The following CSMD1 variants were observed in gnomAD, a reference collection of about 807,000 sequenced individuals.
The protein encoded by CSMD1 is CUB and sushi domain-containing protein 1.
CSMD1 carries 213 observed loss-of-function variants against 417.5 expected under a neutral mutation model. The ratio of observed to expected loss-of-function variants is 0.51; its 90% CI spans 0.46 to 0.57. The LOEUF is 0.57. Among genes scored for constraint, CSMD1 ranks in the 20% least tolerant of loss-of-function variants. The pLI is 0.00. For synonymous variants in CSMD1, 2,862 were observed against 1,736.8 expected (o/e 1.65, Z -16.11); for missense variants, 6,923 against 4,529.7 (o/e 1.53, Z -15.17).
chr8:3,387,057 C>A (rs965657489), intron 18 of CSMD1, among the ~76,000 whole-genome samples: 1 of 152,134 alleles, frequency 6.6e-6, no homozygotes, highest in Admixed American at 6.5e-5. Context: ...AATGAGAACT[C>A]CCAGGAGAAG....
chr8:4,751,145 G>A lies in CSMD1; in HGVS notation c.86-113587C>T, dbSNP rs564403326. On this transcript the variant is annotated intron_variant, in intron 1 of 69. Coordinates refer to ENST00000635120, the MANE Select transcript of CSMD1 (RefSeq NM_033225.6). ...CAGGCCTGTAATCCCAGCACTTTGG[G>A]AGGCCGAGGTGGGTGGATCACCTGA... is the stretch of plus-strand genomic sequence containing the variant. Among the ~76,000 whole-genome samples the A allele has an allele frequency of 1.1e-4, 16 of 152,316 alleles. No homozygotes were observed. In the South Asian group the frequency reaches 3.1e-3, roughly 30 times the overall value.
At chr8:3,558,138 C>A (rs1479151287) in intron 10 of CSMD1, among the ~76,000 whole-genome samples, 1 of 150,008 alleles carries the variant, frequency 6.7e-6, no homozygotes, top group East Asian at 2.0e-4. Context: ...CGTGTCCACT[C>A]CTCCAATGAT....
intron 26 of CSMD1, among the ~76,000 whole-genome samples, chr8:3,258,733 C>G (rs934908610): frequency 1.3e-5 from 2 of 152,274 alleles, no homozygotes; most frequent in East Asian, 1.9e-4. Context: ...AAACATGGTA[C>G]ATATACACCA....
intron 11 of CSMD1, among the ~76,000 whole-genome samples, chr8:3,489,424 C>T (rs1818240277): frequency 6.6e-6 from 1 of 152,146 alleles, no homozygotes; most frequent in South Asian, 2.1e-4. Context: ...TTAATGAAAT[C>T]CCCTGGTTAC....
At chr8:3,860,417 G>A (rs1804619068) in intron 5 of CSMD1, among the ~76,000 whole-genome samples, 1 of 152,004 alleles carries the variant, frequency 6.6e-6, no homozygotes, top group African/African-American at 2.4e-5. Flanking sequence ...ATGTTTCTAT[G>A]TTACTAAAAC....
chr8:3,620,268 T>C (rs1459398369), intron 7 of CSMD1, among the ~76,000 whole-genome samples: 2 of 152,142 alleles, frequency 1.3e-5, no homozygotes, highest in Non-Finnish European at 2.9e-5. Context: ...TACCAATGTA[T>C]GTTCCCTACA....
chr8:3,984,651 T>C (rs956829413), intron 5 of CSMD1, among the ~76,000 whole-genome samples: 1 of 147,148 alleles, frequency 6.8e-6, no homozygotes, highest in Non-Finnish European at 1.5e-5. Flanking sequence ...GGCTTGTTAC[T>C]TGTGTTTTAT....
At chr8:3,036,320 A>G (rs1044034245) in intron 50 of CSMD1, among the ~76,000 whole-genome samples, 13 of 152,192 alleles carry the variant, frequency 8.5e-5, no homozygotes, top group Admixed American at 7.9e-4. Context: ...TCAGAAACTT[A>G]TCATAAATCT....
intron 9 of CSMD1, among the ~76,000 whole-genome samples, chr8:3,577,290 C>G (rs1800190012): frequency 6.6e-6 from 1 of 152,124 alleles, no homozygotes; most frequent in South Asian, 2.1e-4. Context: ...CATAGGAAGC[C>G]AGCCCGTCAC....
At chr8:3,999,013 A>C (rs1815448888) in intron 4 of CSMD1, among the ~76,000 whole-genome samples, 1 of 149,066 alleles carries the variant, frequency 6.7e-6, no homozygotes, top group Non-Finnish European at 1.5e-5. Flanking sequence ...TAAATAACAT[A>C]TAAACTATAT....
intron 2 of CSMD1, among the ~76,000 whole-genome samples, chr8:4,580,174 T>C (rs1299614306): frequency 6.6e-6 from 1 of 152,198 alleles, no homozygotes; most frequent in Non-Finnish European, 1.5e-5. Context: ...TCAACTGTTA[T>C]GTAAACTTCA....
intron 1 of CSMD1, among the ~76,000 whole-genome samples, chr8:4,645,693 T>C (rs1803477970): frequency 6.6e-6 from 1 of 152,104 alleles, no homozygotes; most frequent in African/African-American, 2.4e-5. Context: ...ATGATTATTG[T>C]CATTTTTACA....
chr8:2,942,604 T>C lies in CSMD1; in HGVS notation c.10403A>G (p.Asp3468Gly). 1 of 1,568,564 alleles carries C rather than the reference T, an allele frequency of 6.4e-7. No homozygotes were observed. The highest frequency in any genetic ancestry group is 8.7e-7 in the Non-Finnish European group (1 of 1,156,052). Residue 3468 changes from aspartate (D) to glycine (G), a missense_variant and splice_region_variant, in exon 69 of 70, where the codon GAT becomes GGT. Asp to Gly is a moderately conservative substitution (Grantham distance 94). Transcript: ENST00000635120. ...AGAGTCTTGATCTGGGTTTAAAGGA[T>C]CTGTAAGATAAAGGAAATATTAAAT... Reference protein sequence around the residue: ...DFGKFKLERQDPLNPDQDSSS... With the variant: ...DFGKFKLERQGPLNPDQDSSS...
chr8:3,083,650 T>TATATATATA (rs1814304913), intron 49 of CSMD1, among the ~76,000 whole-genome samples: 1 of 15,684 alleles, frequency 6.4e-5, no homozygotes, highest in Non-Finnish European at 1.2e-4. Flanking sequence ...ATATATATAT[T>TATATATATA]TTTTTTTTTT....
chr8:4,130,254 A>T (rs1803016510), intron 3 of CSMD1, among the ~76,000 whole-genome samples: 7 of 152,160 alleles, frequency 4.6e-5, no homozygotes, highest in Admixed American at 4.6e-4. Flanking sequence ...TGGAGAGCCA[A>T]GGATGTCTAT....
At chr8:3,600,666 C>T (rs977162255) in intron 8 of CSMD1, among the ~76,000 whole-genome samples, 2 of 152,140 alleles carry the variant, frequency 1.3e-5, no homozygotes, top group African/African-American at 4.8e-5. Context: ...GACAGAAAAC[C>T]ATTGCTCTGG....
At chr8:4,445,333 T>G (rs1000595819) in intron 2 of CSMD1, among the ~76,000 whole-genome samples, 1 of 152,216 alleles carries the variant, frequency 6.6e-6, no homozygotes, top group African/African-American at 2.4e-5. Flanking sequence ...TTCTGTATAC[T>G]TCAGAAGTGT....
chr8:4,505,933 G>C (rs1179796752), intron 2 of CSMD1, among the ~76,000 whole-genome samples: 1 of 151,898 alleles, frequency 6.6e-6, no homozygotes, highest in African/African-American at 2.4e-5. Flanking sequence ...TGAGTAGCTG[G>C]GATTACAGGT....
rs531051153 is a variant in CSMD1, at chr8:4,584,072, G to T, written c.302+53270C>A. ...TACGAAGGTCTGCAGTTTCACTCCT[G>T]AGCCAGCAAGACCACGAACCCACTA... On this transcript the variant is annotated intron_variant, in intron 2 of 69. Coordinates refer to ENST00000635120, the MANE Select transcript of CSMD1 (RefSeq NM_033225.6). Among the ~76,000 whole-genome samples, 33 of 151,940 alleles carry T rather than the reference G, an allele frequency of 2.2e-4. No homozygotes were observed. The East Asian group carries it at 5.6e-3, about 26-fold the overall frequency.
Sources: gnomAD v4.1 joint callset for allele counts (sites outside exome capture counted in the v4.1 genomes callset) on GRCh38, gnomAD v4.1.1 for gene constraint, MANE v1.5 for transcripts, NCBI Gene and HGNC (gene_info 2026-07-23, HGNC 2026-07-21) for gene names.